The following ADCY2 variants were observed in gnomAD, a reference collection of about 807,000 sequenced individuals.
The protein encoded by ADCY2 is adenylate cyclase 2, also known as adenylate cyclase type 2.
ADCY2 carries 31 observed loss-of-function variants against 125.2 expected under a neutral mutation model. The observed-to-expected ratio is 0.25, with a 90% confidence interval of 0.19 to 0.33. The LOEUF is 0.33. ADCY2 is among the 10% of genes least tolerant of loss of function. ADCY2 has a pLI of 1.00. For synonymous variants in ADCY2, 512 were observed against 548.4 expected, an observed-to-expected ratio of 0.93 and a Z score of 0.93; for missense variants, 904 against 1,418.2, an observed-to-expected ratio of 0.64 and a Z score of 5.82.
intron 15 of ADCY2, among the ~76,000 whole-genome samples, chr5:7,745,014 A>T (rs1312606971): frequency 6.6e-6 from 1 of 152,186 alleles, no homozygotes; most frequent in Non-Finnish European, 1.5e-5. Flanking sequence ...TGTGGCTTCT[A>T]TGAAAGAATT....
At chr5:7,475,844 G>T (rs1742505926) in intron 2 of ADCY2, among the ~76,000 whole-genome samples, 1 of 152,198 alleles carries the variant, frequency 6.6e-6, no homozygotes, top group Admixed American at 6.6e-5. Flanking sequence ...GAAAGCTTCA[G>T]TGATGTTTTG....
At chr5:7,739,667 C>T (rs114082643) in intron 14 of ADCY2, among the ~76,000 whole-genome samples, 5,561 of 151,402 alleles carry the variant, frequency 0.037, 356 homozygotes, top group African/African-American at 0.13. Flanking sequence ...ACTAGCAAGA[C>T]TGATGAAGAA....
Position 7,784,447 on chromosome 5 carries a change from C to A in ADCY2, c.2467C>A (p.Gln823Lys). Residue 823 changes from glutamine (Q) to lysine (K), a missense_variant and splice_region_variant, in exon 19 of 25, where the codon CAG (glutamine) becomes AAG (lysine). Physicochemically the swap from Gln to Lys is moderately conservative, Grantham distance 53 (BLOSUM62 1). Around this residue, in one of 7 missense-constraint regions of ADCY2, gnomAD observed 181 missense variants for 381.6 expected, o/e 0.47. Coordinates refer to ENST00000338316, the MANE Select transcript of ADCY2 (RefSeq NM_020546.3). ...FFITLLVLGRQNEYYCRLDFL... is the reference protein window; with the variant it reads ...FFITLLVLGRKNEYYCRLDFL... ...CATCACACTGCTTGTTCTGGGTAGA[C>A]AGGTAAGAAGTCTGTTTATATATAT... 1 of 1,612,096 alleles carries A rather than the reference C, an allele frequency of 6.2e-7. No individual in the cohort carries two copies. The highest frequency in any genetic ancestry group is 8.5e-7 in the Non-Finnish European group (1 of 1,178,486).
chr5:7,789,854 T>G (rs1744199273), intron 20 of ADCY2, 54 bp downstream of exon 20: 2 of 1,403,980 alleles, frequency 1.4e-6, no homozygotes, highest in Admixed American at 5.1e-5. Context: ...CATGATGACC[T>G]GGGTGAGGGC....
At chr5:7,664,517 G>C (rs983951980) in intron 4 of ADCY2, among the ~76,000 whole-genome samples, 1 of 152,164 alleles carries the variant, frequency 6.6e-6, no homozygotes. Flanking sequence ...TATCTAAGGG[G>C]TCTGGGGAGT....
intron 4 of ADCY2, among the ~76,000 whole-genome samples, chr5:7,660,274 AGGAAG>A (rs1223073480): frequency 2.6e-5 from 4 of 150,958 alleles, no homozygotes; most frequent in Non-Finnish European, 4.4e-5. Flanking sequence ...GAAGGAAGGA[AGGAAG>A]GAAGGAAGGA....
chr5:7,484,783 C>T (rs1439552927), intron 2 of ADCY2, among the ~76,000 whole-genome samples: 1 of 152,154 alleles, frequency 6.6e-6, no homozygotes, highest in Admixed American at 6.5e-5. Context: ...TTCTCTTCTG[C>T]ATCCTAAAAA....
chr5:7,444,112 T>C (rs1055941376), intron 2 of ADCY2, among the ~76,000 whole-genome samples: 1 of 12,752 alleles, frequency 7.8e-5, no homozygotes, highest in East Asian at 7.5e-4. Context: ...TTTTTATCTC[T>C]TTTTTTTTTT....
At chr5:7,684,021 C>T (rs1740428194) in intron 4 of ADCY2, among the ~76,000 whole-genome samples, 1 of 152,208 alleles carries the variant, frequency 6.6e-6, no homozygotes, top group Non-Finnish European at 1.5e-5. Flanking sequence ...GGTCTGTCTT[C>T]ACCCATTCTC....
chr5:7,525,071 C>T (rs563262434), intron 3 of ADCY2, among the ~76,000 whole-genome samples: 1 of 151,946 alleles, frequency 6.6e-6, no homozygotes, highest in East Asian at 1.9e-4. Flanking sequence ...GGTGTAATCT[C>T]GGCCTGCTGC....
intron 4 of ADCY2, among the ~76,000 whole-genome samples, chr5:7,659,145 T>C (rs186126456): frequency 1.5e-3 from 221 of 152,372 alleles, no homozygotes; most frequent in African/African-American, 4.9e-3. Flanking sequence ...GATTCTGAGA[T>C]GAAAGAAACG....
intron 2 of ADCY2, among the ~76,000 whole-genome samples, chr5:7,461,958 A>C (rs1432258096): frequency 6.6e-6 from 1 of 152,238 alleles, no homozygotes; most frequent in Admixed American, 6.5e-5. Context: ...CATTGTCAGA[A>C]TCTCCCTGAG....
intron 2 of ADCY2, among the ~76,000 whole-genome samples, chr5:7,489,925 G>A (rs1180409022): frequency 4.6e-5 from 7 of 152,142 alleles, no homozygotes; most frequent in African/African-American, 9.7e-5. Flanking sequence ...CTTGAGCTGC[G>A]TATAGCTTCA....
intron 3 of ADCY2, among the ~76,000 whole-genome samples, chr5:7,614,833 C>T (rs537860330): frequency 6.6e-6 from 1 of 152,312 alleles, no homozygotes; most frequent in African/African-American, 2.4e-5. Context: ...GTAGCTGATT[C>T]CCCAGCAGTA....
rs199773760 is a variant in ADCY2 at position 7,789,761 on chromosome 5, C to T, written c.2589C>T (p.His863=). ...RVLLENVLPA[H]VAEHFLARSL... ...TGCTGGAGAACGTGCTTCCCGCGCA[C>T]GTGGCTGAGCACTTCCTGGCCAGGA... Residue 863 remains histidine (H), a synonymous_variant, in exon 20 of 25, where the codon CAC becomes CAT. Coordinates refer to ENST00000338316, the MANE Select transcript of ADCY2 (RefSeq NM_020546.3). 409 of 1,365,484 alleles carry T rather than the reference C, an allele frequency of 3.0e-4. No homozygotes were observed. The highest frequency in any genetic ancestry group is 5.6e-4 in the Admixed American group (29 of 51,360). 84.6% of individuals were successfully genotyped at this position (1,365,484 alleles called of 1,614,324 possible).
At chr5:7,638,857 C>G (rs1738596306) in intron 4 of ADCY2, among the ~76,000 whole-genome samples, 1 of 152,174 alleles carries the variant, frequency 6.6e-6, no homozygotes, top group African/African-American at 2.4e-5. Context: ...TCCCATAATT[C>G]CCATGTGTCA....
chr5:7,825,193 TGCTGTGCGCCACGACAAC>T (rs1745432273), intron 24 of ADCY2, among the ~76,000 whole-genome samples: 1 of 152,188 alleles, frequency 6.6e-6, no homozygotes, highest in Non-Finnish European at 1.5e-5. Flanking sequence ...ACGACAACGC[TGCTGTGCGCCACGACAAC>T]GCTGCTGTGC....
intron 15 of ADCY2, among the ~76,000 whole-genome samples, chr5:7,745,258 G>A (rs1742562654): frequency 6.6e-6 from 1 of 152,208 alleles, no homozygotes; most frequent in South Asian, 2.1e-4. Context: ...GGGTGGTTAA[G>A]ATTCCAAAGC....
intron 16 of ADCY2, among the ~76,000 whole-genome samples, chr5:7,758,336 G>A (rs1743084656): frequency 6.6e-6 from 1 of 152,238 alleles, no homozygotes; most frequent in South Asian, 2.1e-4. Context: ...TCATCAGGGT[G>A]CTTTGAGACA....
Sources: gnomAD v4.1 joint callset for allele counts (sites outside exome capture counted in the v4.1 genomes callset) on GRCh38, gnomAD v4.1.1 for gene constraint, gnomAD v4.1.1 regional missense constraint, MANE v1.5 for transcripts, NCBI Gene and HGNC (gene_info 2026-07-23, HGNC 2026-07-21) for gene names.